The following NR3C1 variants were observed in gnomAD, a reference collection of about 807,000 sequenced individuals.
The protein encoded by NR3C1 is nuclear receptor subfamily 3 group C member 1.
NR3C1 carries 14 observed loss-of-function variants against 74.0 expected under a neutral mutation model. The observed-to-expected ratio is 0.19, with a 90% CI of 0.12 to 0.30. The LOEUF is 0.30. Ranked by LOEUF, NR3C1 falls within the 10% of genes least tolerant of loss-of-function variation. NR3C1 has a pLI of 1.00. For synonymous variants in NR3C1, 308 were observed against 332.5 expected (o/e 0.93, Z 0.80); for missense variants, 695 against 909.8 (o/e 0.76, Z 3.04).
At chr5:143,313,851 G>T in intron 3 of NR3C1, 151 bp downstream of exon 3, 2 of 686,736 alleles carry the variant, frequency 2.9e-6, no homozygotes, top group Non-Finnish European at 5.1e-6. Context: ...ATACTTTCCT[G>T]CCCATTAGAG....
At chr5:143,420,483 T>A (rs1751165758) in intron 1 of NR3C1, among the ~76,000 whole-genome samples, 1 of 152,118 alleles carries the variant, frequency 6.6e-6, no homozygotes, top group Non-Finnish European at 1.5e-5. Context: ...CCGTTTGGGG[T>A]CCCTGACTTC....
chr5:143,283,673 A>G (rs1813634540), intron 7 of NR3C1, among the ~76,000 whole-genome samples: 1 of 152,190 alleles, frequency 6.6e-6, no homozygotes, highest in South Asian at 2.1e-4. Context: ...GATTCTGGTT[A>G]GTGAAACTAG....
At chr5:143,417,542 G>C (rs36028129) in intron 1 of NR3C1, among the ~76,000 whole-genome samples, 2,684 of 152,192 alleles carry the variant, frequency 0.018, 80 homozygotes, top group African/African-American at 0.058. Flanking sequence ...ATCTGCCTCA[G>C]GAGGTTCTTA....
intron 2 of NR3C1, among the ~76,000 whole-genome samples, chr5:143,347,905 C>T (rs1561633471): frequency 3.3e-5 from 5 of 152,196 alleles, no homozygotes; most frequent in Admixed American, 2.6e-4. Flanking sequence ...CTTTCCAAAA[C>T]GGGCTCTCAT....
chr5:143,384,261 G>T (rs1427090404), intron 2 of NR3C1, among the ~76,000 whole-genome samples: 1 of 152,116 alleles, frequency 6.6e-6, no homozygotes, highest in East Asian at 1.9e-4. Flanking sequence ...GACATGTGGG[G>T]ATTACAAGTG....
intron 2 of NR3C1, among the ~76,000 whole-genome samples, chr5:143,335,443 A>G (rs2151720569): frequency 6.6e-6 from 1 of 152,390 alleles, no homozygotes; most frequent in East Asian, 1.9e-4. Flanking sequence ...TGTCAAATGA[A>G]GCTAAATTGG....
At chr5:143,417,385 T>C (rs1750964244) in intron 1 of NR3C1, among the ~76,000 whole-genome samples, 1 of 152,140 alleles carries the variant, frequency 6.6e-6, no homozygotes, top group South Asian at 2.1e-4. Flanking sequence ...GGGATGTCAT[T>C]AGTTGGATTC....
intron 1 of NR3C1, among the ~76,000 whole-genome samples, chr5:143,433,381 A>G (rs1181382194): frequency 7.4e-6 from 1 of 135,084 alleles, no homozygotes; most frequent in African/African-American, 2.9e-5. Flanking sequence ...AGCTGATGGA[A>G]ACAGCACTAA....
intron 2 of NR3C1, among the ~76,000 whole-genome samples, chr5:143,348,050 G>A (rs1600164220): frequency 6.6e-6 from 1 of 152,132 alleles, no homozygotes; most frequent in South Asian, 2.1e-4. Context: ...GAGTAAACCT[G>A]CCTATGATTC....
intron 2 of NR3C1, among the ~76,000 whole-genome samples, chr5:143,340,299 T>C (rs941154133): frequency 3.9e-5 from 6 of 152,056 alleles, no homozygotes; most frequent in Non-Finnish European, 7.4e-5. Context: ...AAGTCTCTTA[T>C]ACCCAAATTG....
At chr5:143,282,457 C>T (rs1813306293) in intron 8 of NR3C1, 111 bp downstream of exon 8, 1 of 1,253,814 alleles carries the variant, frequency 8.0e-7, no homozygotes, top group African/African-American at 1.7e-5. Context: ...CACCAACATC[C>T]ACAAACTGGG....
At chr5:143,328,917 T>C (rs2079687) in intron 2 of NR3C1, among the ~76,000 whole-genome samples, 314 of 152,322 alleles carry the variant, frequency 2.1e-3, no homozygotes, top group African/African-American at 7.3e-3. Flanking sequence ...CGTTCCAAAC[T>C]TTCCTATATC....
intron 2 of NR3C1, among the ~76,000 whole-genome samples, chr5:143,351,238 T>C (rs1373131680): frequency 6.6e-6 from 1 of 152,172 alleles, no homozygotes; most frequent in Non-Finnish European, 1.5e-5. Context: ...AGGTACAGCT[T>C]AGAACAAGTC....
intron 2 of NR3C1, among the ~76,000 whole-genome samples, chr5:143,340,235 G>T (rs1031092776): frequency 6.6e-6 from 1 of 152,082 alleles, no homozygotes; most frequent in Admixed American, 6.5e-5. Flanking sequence ...TAAATGGAGA[G>T]ATATACAGTG....
intron 1 of NR3C1, among the ~76,000 whole-genome samples, chr5:143,433,054 C>A (rs1751913069): frequency 6.6e-6 from 1 of 152,122 alleles, no homozygotes; most frequent in Non-Finnish European, 1.5e-5. Flanking sequence ...GTCCACAATG[C>A]CTTAATGGAA....
chr5:143,367,874 T>G (rs953894921), intron 2 of NR3C1, among the ~76,000 whole-genome samples: 2 of 152,212 alleles, frequency 1.3e-5, no homozygotes, highest in African/African-American at 4.8e-5. Flanking sequence ...TGCCTCTTTT[T>G]TTCTTCCAGA....
At chr5:143,294,436 C>T in intron 7 of NR3C1, 1 of 554,254 alleles carries the variant, frequency 1.8e-6, no homozygotes, top group Non-Finnish European at 2.3e-6. Context: ...TTTAAGTTCA[C>T]AGCAAAATTG....
chr5:143,430,410 G>A (rs769718755), intron 1 of NR3C1, among the ~76,000 whole-genome samples: 16 of 152,170 alleles, frequency 1.1e-4, no homozygotes, highest in Non-Finnish European at 1.3e-4. Context: ...ACTTTCTCCA[G>A]TGAAGATATA....
chr5:143,399,073 A>G (rs1487732410), intron 2 of NR3C1, among the ~76,000 whole-genome samples: 2 of 152,204 alleles, frequency 1.3e-5, no homozygotes, highest in Non-Finnish European at 2.9e-5. Flanking sequence ...TGTGTCTAAT[A>G]CTATGGTCTG....
Sources: gnomAD v4.1 joint callset for allele counts (sites outside exome capture counted in the v4.1 genomes callset) on GRCh38, gnomAD v4.1.1 for gene constraint, MANE v1.5 for transcripts, NCBI Gene and HGNC (gene_info 2026-07-23, HGNC 2026-07-21) for gene names.